Variants in MAF observed in about 807,000 individuals in gnomAD.
MAF encodes MAF bZIP transcription factor.
A neutral mutation model predicts 22.0 loss-of-function variants in MAF; 10 were observed. The ratio of observed to expected loss-of-function variants is 0.45; its 90% CI spans 0.28 to 0.77. MAF has a LOEUF of 0.77. Among genes scored for constraint, MAF ranks in the 30% least tolerant of loss-of-function variants. MAF has a pLI of 0.12. For missense variants in MAF, 544 were observed against 548.4 expected, an observed-to-expected ratio of 0.99 and a Z score of 0.08; for synonymous variants, 337 against 255.8, an observed-to-expected ratio of 1.32 and a Z score of -3.03.
the MAF span, among the ~76,000 whole-genome samples, chr16:79,251,983 A>C: frequency 2.4e-4 from 36 of 152,382 alleles, no homozygotes; most frequent in Admixed American, 3.3e-4. Flanking sequence ...CTTTAAAATG[A>C]GTTATTCTGG....
chr16:79,465,049 T>C, the MAF span, among the ~76,000 whole-genome samples: 573 of 152,344 alleles, frequency 3.8e-3, 3 homozygotes, highest in African/African-American at 0.013. Context: ...TGTTGGTTAA[T>C]GGACCAACAG....
At chr16:79,252,655 A>C in the MAF span, among the ~76,000 whole-genome samples, 1 of 152,038 alleles carries the variant, frequency 6.6e-6, no homozygotes, top group South Asian at 2.1e-4. Flanking sequence ...ACGCTTGGCT[A>C]ATTTTTGTAT....
the MAF span, among the ~76,000 whole-genome samples, chr16:79,426,640 T>A: frequency 4.6e-5 from 7 of 152,280 alleles, no homozygotes; most frequent in South Asian, 1.5e-3. Flanking sequence ...GAACCAACAT[T>A]GGTGAGTCCC....
chr16:79,420,744 T>C, the MAF span, among the ~76,000 whole-genome samples: 1 of 152,220 alleles, frequency 6.6e-6, no homozygotes, highest in Non-Finnish European at 1.5e-5. Context: ...ATAAGATATT[T>C]TGAGGCTTGA....
At chr16:79,591,104 G>A (rs1165309527), downstream of MAF, among the ~76,000 whole-genome samples, 4 of 152,056 alleles carry the variant, frequency 2.6e-5, no homozygotes, top group Non-Finnish European at 5.9e-5. Context: ...GTTCTATAAG[G>A]TTTCATCGCT....
chr16:79,552,432 C>A, the MAF span, among the ~76,000 whole-genome samples: 1 of 152,172 alleles, frequency 6.6e-6, no homozygotes, highest in Non-Finnish European at 1.5e-5. Flanking sequence ...TGGTCTTGAA[C>A]TCCTGGTCTC....
the MAF span, among the ~76,000 whole-genome samples, chr16:79,479,658 A>G: frequency 6.6e-6 from 1 of 152,214 alleles, no homozygotes; most frequent in Non-Finnish European, 1.5e-5. Flanking sequence ...CACAGTACTG[A>G]GTATGTGAAA....
chr16:79,209,021 T>C, the MAF span, among the ~76,000 whole-genome samples: 1 of 152,216 alleles, frequency 6.6e-6, no homozygotes, highest in Non-Finnish European at 1.5e-5. Flanking sequence ...TCGTCTTTGC[T>C]TTCGGGTGCC....
chr16:79,307,756 T>C, the MAF span, among the ~76,000 whole-genome samples: 1 of 152,208 alleles, frequency 6.6e-6, no homozygotes, highest in Non-Finnish European at 1.5e-5. Context: ...TTCAAGTAGA[T>C]CTCATATAAG....
chr16:79,409,353 C>G, the MAF span, among the ~76,000 whole-genome samples: 1 of 152,264 alleles, frequency 6.6e-6, no homozygotes, highest in Admixed American at 6.5e-5. Context: ...CAAGAAGACT[C>G]CCAGATAGCT....
chr16:79,570,583 C>T, the MAF span, among the ~76,000 whole-genome samples: 2 of 152,178 alleles, frequency 1.3e-5, no homozygotes, highest in African/African-American at 2.4e-5. Flanking sequence ...TGAAATCGTT[C>T]ATCTGGGAAG....
the MAF span, among the ~76,000 whole-genome samples, chr16:79,278,299 A>G: frequency 6.6e-6 from 1 of 152,224 alleles, no homozygotes; most frequent in Non-Finnish European, 1.5e-5. Context: ...CATGTTCCTG[A>G]CTTTTCCATT....
the MAF span, among the ~76,000 whole-genome samples, chr16:79,360,975 T>C: frequency 6.6e-6 from 1 of 152,136 alleles, no homozygotes; most frequent in African/African-American, 2.4e-5. Flanking sequence ...ACCACAGAAA[T>C]TGGCAAAAGC....
the MAF span, among the ~76,000 whole-genome samples, chr16:79,477,578 A>G: frequency 6.6e-6 from 1 of 152,328 alleles, no homozygotes; most frequent in East Asian, 1.9e-4. Flanking sequence ...ATGAACACTT[A>G]GAGCCTTAAC....
At chr16:79,467,947 T>A in the MAF span, among the ~76,000 whole-genome samples, 1 of 150,296 alleles carries the variant, frequency 6.7e-6, no homozygotes, top group Non-Finnish European at 1.5e-5. Flanking sequence ...CGTGGGGGGG[T>A]GGTTGTGGCT....
chr16:79,283,217 G>C, the MAF span, among the ~76,000 whole-genome samples: 1 of 152,170 alleles, frequency 6.6e-6, no homozygotes, highest in African/African-American at 2.4e-5. Flanking sequence ...TGAATGGATA[G>C]GGTTTGTGTA....
chr16:79,495,578 T>C, the MAF span, among the ~76,000 whole-genome samples: 1 of 152,190 alleles, frequency 6.6e-6, no homozygotes, highest in Non-Finnish European at 1.5e-5. Flanking sequence ...ATGCCACAGT[T>C]TCTTTTTGCC....
At chr16:79,591,631 G>GA (rs1273004477), downstream of MAF, among the ~76,000 whole-genome samples, 2 of 152,288 alleles carry the variant, frequency 1.3e-5, no homozygotes, top group Non-Finnish European at 2.9e-5. Context: ...AAAACTGTAC[G>GA]ACTCTGATGA....
At chr16:79,230,573 G>A in the MAF span, among the ~76,000 whole-genome samples, 4 of 152,138 alleles carry the variant, frequency 2.6e-5, no homozygotes, top group Non-Finnish European at 5.9e-5. Flanking sequence ...CTACAGCTGA[G>A]CAACCTTCAG....
Sources: gnomAD v4.1 joint callset for allele counts (sites outside exome capture counted in the v4.1 genomes callset) on GRCh38, gnomAD v4.1.1 for gene constraint, MANE v1.5 for transcripts, NCBI Gene and HGNC (gene_info 2026-07-23, HGNC 2026-07-21) for gene names.